Variants in OPHN1 observed in about 807,000 individuals in gnomAD.
OPHN1 encodes oligophrenin-1.
Under a neutral mutation model 60.7 loss-of-function variants are expected in OPHN1, and 11 were observed. The observed-to-expected ratio is 0.18, with a 90% CI of 0.11 to 0.30. OPHN1 has a LOEUF of 0.30. Ranked by LOEUF, OPHN1 falls within the 10% of genes least tolerant of loss-of-function variation. OPHN1 has a pLI of 1.00. For missense variants in OPHN1, 449 were observed against 611.0 expected, an observed-to-expected ratio of 0.73 and a Z score of 2.80; for synonymous variants, 226 against 222.6, an observed-to-expected ratio of 1.02 and a Z score of -0.14.
chrX:68,295,355 T>C (rs2078089653), intron 3 of OPHN1, among the ~76,000 whole-genome samples: 2 of 112,252 alleles, frequency 1.8e-5, no homozygotes, highest in Non-Finnish European at 1.9e-5. Flanking sequence ...GCACCAACTA[T>C]ATGCCAGACA....
At chrX:68,191,830 G>T (rs1295608246) in intron 15 of OPHN1, among the ~76,000 whole-genome samples, 1 of 111,420 alleles carries the variant, frequency 9.0e-6, no homozygotes, top group Non-Finnish European at 1.9e-5. Flanking sequence ...TGGAAAAAGA[G>T]CTCAACAACC....
At position 68,153,214 on chromosome X, in the gene OPHN1, A is replaced by C. The variant is rs1261681120; in HGVS notation, c.1277-33882T>G. Among the ~76,000 whole-genome samples, 16 of 108,872 alleles carry C rather than the reference A, an allele frequency of 1.5e-4. No homozygotes were observed. In the Admixed American group the frequency reaches 1.5e-3, roughly 10 times the overall value. The allele number at this position is 108,872 out of a possible 115,157, so 94.5% of individuals were successfully genotyped here. On this transcript the variant is annotated intron_variant, in intron 15 of 24. Transcript: ENST00000355520. ...TGACAGAGCGAGACTCCATGTCAAA[A>C]AAAAAAAAAAAAGAAAAAAGAAAGA...
chrX:68,233,872 C>A (rs920665218), intron 6 of OPHN1, among the ~76,000 whole-genome samples: 2 of 110,999 alleles, frequency 1.8e-5, no homozygotes, highest in African/African-American at 6.5e-5. Context: ...TAAAAAAAAT[C>A]TATTTGTATA....
At position 68,045,412 on chromosome X, in the gene OPHN1, CT is replaced by C. The variant is rs1175811635; in HGVS notation, c.*1759del. 9 of 112,404 alleles carry C rather than the reference CT, an allele frequency of 8.0e-5. No homozygotes were observed. The allele number at this position is 112,404 out of a possible 1,213,427, so 9.3% of individuals were successfully genotyped here. On this transcript the variant is annotated 3_prime_UTR_variant, in exon 25 of 25. Transcript: ENST00000355520. ...TTCAGTAGCACTGTTCCAAATGCATCTCTGAGTGGGTTTGCACATGAGTGTG... is the reference window on the plus strand; with the variant it reads ...TTCAGTAGCACTGTTCCAAATGCATCCTGAGTGGGTTTGCACATGAGTGTG...
chrX:68,181,482 G>A (rs755154550), intron 15 of OPHN1, among the ~76,000 whole-genome samples: 5 of 111,013 alleles, frequency 4.5e-5, no homozygotes, highest in East Asian at 2.8e-4. Context: ...TCTGTATTTC[G>A]TTTTTCACCT....
chrX:68,336,364 AAATAAAAT>A (rs1173398190), intron 2 of OPHN1: 1 of 109,631 alleles, frequency 9.1e-6, no homozygotes, highest in African/African-American at 3.3e-5. Flanking sequence ...CTCTACAAAA[AAATAAAAT>A]AATAAAATTA....
intron 16 of OPHN1, among the ~76,000 whole-genome samples, chrX:68,116,602 A>G (rs1450593880): frequency 9.0e-6 from 1 of 111,469 alleles, no homozygotes; most frequent in Non-Finnish European, 1.9e-5. Flanking sequence ...TTTTTAGTTC[A>G]AGCCCTGAAC....
chrX:68,266,037 C>A (rs986302241), intron 5 of OPHN1, among the ~76,000 whole-genome samples: 7 of 111,192 alleles, frequency 6.3e-5, no homozygotes, highest in Non-Finnish European at 1.3e-4. Context: ...GTGAAAAGAC[C>A]AAATCTACGT....
intron 15 of OPHN1, among the ~76,000 whole-genome samples, chrX:68,158,800 ATG>A (rs1342577274): frequency 8.9e-6 from 1 of 111,894 alleles, no homozygotes; most frequent in Non-Finnish European, 1.9e-5. Flanking sequence ...CAAAAGCTCT[ATG>A]GAGGCAATCA....
intron 18 of OPHN1, among the ~76,000 whole-genome samples, chrX:68,105,167 G>A (rs945481368): frequency 9.0e-6 from 1 of 110,921 alleles, no homozygotes; most frequent in African/African-American, 3.3e-5. Context: ...ACAGATGCTG[G>A]AGAGGATGTG....
chrX:68,141,210 GAA>G (rs1478846313), intron 15 of OPHN1, among the ~76,000 whole-genome samples: 8 of 112,091 alleles, frequency 7.1e-5, no homozygotes. Context: ...GGGCAGGAAA[GAA>G]GAGAAGGACT....
intron 5 of OPHN1, among the ~76,000 whole-genome samples, chrX:68,247,393 T>C (rs1395915852): frequency 1.8e-5 from 2 of 111,832 alleles, no homozygotes; most frequent in Admixed American, 9.6e-5. Flanking sequence ...CACATAGATT[T>C]CTTATCTGTG....
intron 15 of OPHN1, among the ~76,000 whole-genome samples, chrX:68,169,147 G>C (rs1441693282): frequency 9.0e-6 from 1 of 111,392 alleles, no homozygotes; most frequent in Non-Finnish European, 1.9e-5. Flanking sequence ...CAGACAAACA[G>C]AGAGCCAAAT....
intron 5 of OPHN1, among the ~76,000 whole-genome samples, chrX:68,257,532 G>A (rs1302627088): frequency 9.0e-6 from 1 of 111,217 alleles, no homozygotes; most frequent in Non-Finnish European, 1.9e-5. Flanking sequence ...ACAGGGTACT[G>A]TAAAAATTAG....
At chrX:68,256,797 C>T (rs1254254200) in intron 5 of OPHN1, among the ~76,000 whole-genome samples, 1 of 111,078 alleles carries the variant, frequency 9.0e-6, no homozygotes, top group African/African-American at 3.3e-5. Context: ...TTTGGGAGGC[C>T]GAGGTGGGTG....
chrX:68,424,340 C>T (rs1162953651), intron 2 of OPHN1, among the ~76,000 whole-genome samples: 1 of 111,609 alleles, frequency 9.0e-6, no homozygotes, highest in Non-Finnish European at 1.9e-5. Flanking sequence ...TCCCCAGTTT[C>T]CAGGACAGTA....
At chrX:68,181,949 C>T (rs1306384935) in intron 15 of OPHN1, among the ~76,000 whole-genome samples, 1 of 112,203 alleles carries the variant, frequency 8.9e-6, no homozygotes, top group Non-Finnish European at 1.9e-5. Flanking sequence ...ATGTCTAGAA[C>T]TCTGGCCAGA....
At chrX:68,418,872 T>A (rs909483953) in intron 2 of OPHN1, among the ~76,000 whole-genome samples, 1 of 112,025 alleles carries the variant, frequency 8.9e-6, no homozygotes, top group African/African-American at 3.2e-5. Flanking sequence ...GAAATTATAC[T>A]GTGATTATTT....
At chrX:68,286,989 T>C (rs1215017213) in intron 3 of OPHN1, among the ~76,000 whole-genome samples, 1 of 100,570 alleles carries the variant, frequency 9.9e-6, no homozygotes, top group African/African-American at 3.8e-5. Context: ...CACTACAGCC[T>C]GGATGAGAGA....
Sources: gnomAD v4.1 joint callset for allele counts (sites outside exome capture counted in the v4.1 genomes callset) on GRCh38, gnomAD v4.1.1 for gene constraint, MANE v1.5 for transcripts, NCBI Gene and HGNC (gene_info 2026-07-23, HGNC 2026-07-21) for gene names.